Variants in ACBD6 observed in about 807,000 individuals in gnomAD.
ACBD6 encodes acyl-CoA binding domain containing 6, also known as acyl-CoA-binding domain-containing protein 6.
In ACBD6, 28 loss-of-function variants were observed where a neutral mutation model predicts 37.2. The observed-to-expected ratio is 0.75, with a 90% confidence interval of 0.56 to 1.03. The LOEUF (loss-of-function observed/expected upper bound fraction) is 1.03, where lower values mean the gene tolerates loss of function less well. Ranked by LOEUF, ACBD6 falls within the 50% of genes least tolerant of loss-of-function variation. The pLI is 0.00. For synonymous variants in ACBD6, 113 were observed against 126.8 expected (o/e 0.89, Z 0.73); for missense variants, 340 against 337.4 (o/e 1.01, Z -0.06).
chr1:180,470,265 T>C lies in ACBD6; in HGVS notation c.384+22004A>G, dbSNP rs1235156005. Among the ~76,000 whole-genome samples, 7 of 152,006 alleles carry C rather than the reference T, an allele frequency of 4.6e-5. No homozygotes were observed. The East Asian group carries it at 7.7e-4, about 17-fold the overall frequency. ...GACACCCAACACCTAAACATAAAGA[T>C]AAAAAACAGCAAAAAAAATACCCAC... On this transcript the variant is annotated intron_variant, in intron 3 of 7. Coordinates refer to ENST00000367595, the MANE Select transcript of ACBD6 (RefSeq NM_032360.4).
intron 6 of ACBD6, 63 bp downstream of exon 6, chr1:180,397,453 A>T: frequency 7.0e-7 from 1 of 1,425,420 alleles, no homozygotes; most frequent in Non-Finnish European, 9.9e-7. Flanking sequence ...AATCTGGTAA[A>T]TTTTATGTTA....
intron 6 of ACBD6, among the ~76,000 whole-genome samples, chr1:180,374,134 AG>A (rs1270132632): frequency 6.6e-6 from 1 of 152,196 alleles, no homozygotes; most frequent in African/African-American, 2.4e-5. Flanking sequence ...TAAAAATGGA[AG>A]TTTTCTCATC....
intron 3 of ACBD6, among the ~76,000 whole-genome samples, chr1:180,439,454 G>C (rs2102010828): frequency 6.6e-6 from 1 of 152,260 alleles, no homozygotes; most frequent in East Asian, 1.9e-4. Flanking sequence ...AGCTGGGCAT[G>C]GTGGTGGGCG....
At chr1:180,430,294 G>C (rs749937786) in intron 3 of ACBD6, 32 bp from the exon 4 acceptor site, 6 of 1,539,032 alleles carry the variant, frequency 3.9e-6, no homozygotes, top group Middle Eastern at 1.7e-4. Flanking sequence ...GTGAAAAAAA[G>C]ACAAATGGGT....
intron 6 of ACBD6, among the ~76,000 whole-genome samples, chr1:180,345,984 T>C (rs995637913): frequency 1.3e-5 from 2 of 152,184 alleles, no homozygotes; most frequent in African/African-American, 4.8e-5. Context: ...CCCTAGCCTG[T>C]AGCAGCTCCC....
chr1:180,287,510 G>C (rs1341251855), downstream of ACBD6: 2 of 148,476 alleles, frequency 1.3e-5, no homozygotes, highest in African/African-American at 5.0e-5. Context: ...AGCTCTTCTG[G>C]TATCCAGAAG....
At chr1:180,435,072 C>CAT in intron 3 of ACBD6, 1 of 807,548 alleles carries the variant, frequency 1.2e-6, no homozygotes, top group Non-Finnish European at 2.2e-6. Flanking sequence ...TGCACATGAT[C>CAT]TGAAGCTTAC....
chr1:180,386,624 T>C (rs1328796239), intron 6 of ACBD6, among the ~76,000 whole-genome samples: 1 of 152,170 alleles, frequency 6.6e-6, no homozygotes, highest in African/African-American at 2.4e-5. Context: ...TTCCATCTAC[T>C]TCTCTCTGTT....
intron 3 of ACBD6, among the ~76,000 whole-genome samples, chr1:180,442,941 T>C (rs2102015636): frequency 6.6e-6 from 1 of 152,316 alleles, no homozygotes; most frequent in Admixed American, 6.5e-5. Context: ...CTTTATCATT[T>C]CCACCATGTA....
intron 6 of ACBD6, among the ~76,000 whole-genome samples, chr1:180,377,814 G>GCA (rs912936895): frequency 1.3e-4 from 20 of 151,994 alleles, no homozygotes; most frequent in African/African-American, 4.8e-4. Flanking sequence ...GGTCATGGTG[G>GCA]CACATGCCTG....
intron 3 of ACBD6, among the ~76,000 whole-genome samples, chr1:180,489,589 A>C (rs7548652): frequency 0.02 from 3,015 of 151,646 alleles, 98 homozygotes; most frequent in African/African-American, 0.068. Context: ...TGGTTTACTC[A>C]AGTGTATGTT....
intron 6 of ACBD6, among the ~76,000 whole-genome samples, chr1:180,361,279 T>TC (rs1464670534): frequency 6.9e-6 from 1 of 144,672 alleles, no homozygotes; most frequent in Non-Finnish European, 1.5e-5. Flanking sequence ...TTTTTCCTTT[T>TC]TTTTTTTTTT....
At chr1:180,388,535 C>T (rs1653941046) in intron 6 of ACBD6, among the ~76,000 whole-genome samples, 2 of 152,256 alleles carry the variant, frequency 1.3e-5, no homozygotes, top group Admixed American at 1.3e-4. Flanking sequence ...AATCCACTAA[C>T]AAACTGTCAG....
At chr1:180,428,515 A>C (rs1484156645) in intron 4 of ACBD6, among the ~76,000 whole-genome samples, 1 of 152,212 alleles carries the variant, frequency 6.6e-6, no homozygotes. Context: ...GTGGGGGATA[A>C]AGGAAGGAAG....
At chr1:180,413,252 C>CT (rs1380346006) in intron 5 of ACBD6, 114 bp downstream of exon 5, 77 of 786,924 alleles carry the variant, frequency 9.8e-5, no homozygotes, top group Non-Finnish European at 1.7e-4. Context: ...TTCTGATATA[C>CT]TCTTAACCAT....
chr1:180,425,448 T>C (rs1648545268), intron 4 of ACBD6, among the ~76,000 whole-genome samples: 1 of 152,204 alleles, frequency 6.6e-6, no homozygotes, highest in Non-Finnish European at 1.5e-5. Context: ...ATAGGCAACA[T>C]GGTGAAATAG....
At chr1:180,287,914 G>C (rs1423341534), downstream of ACBD6, among the ~76,000 whole-genome samples, 1 of 152,032 alleles carries the variant, frequency 6.6e-6, no homozygotes. Context: ...TCTGCCAAAA[G>C]AATAGACATC....
intron 7 of ACBD6, among the ~76,000 whole-genome samples, chr1:180,300,387 A>G (rs1255638580): frequency 1.3e-5 from 2 of 152,178 alleles, no homozygotes; most frequent in Admixed American, 6.5e-5. Flanking sequence ...GTGCTTAATA[A>G]ATCATTATTA....
intron 3 of ACBD6, among the ~76,000 whole-genome samples, chr1:180,484,384 G>C (rs2102075411): frequency 6.6e-6 from 1 of 152,168 alleles, no homozygotes. Flanking sequence ...AACTTTATTG[G>C]TAAATTTTCT....
Sources: gnomAD v4.1 joint callset for allele counts (sites outside exome capture counted in the v4.1 genomes callset) on GRCh38, gnomAD v4.1.1 for gene constraint, MANE v1.5 for transcripts, NCBI Gene and HGNC (gene_info 2026-07-23, HGNC 2026-07-21) for gene names.